Variants in CDKL1 observed in about 807,000 individuals in gnomAD.
The protein encoded by CDKL1 is cyclin dependent kinase like 1.
Under a neutral mutation model 42.0 loss-of-function variants are expected in CDKL1, and 41 were observed. The ratio of observed to expected loss-of-function variants is 0.98; its 90% CI spans 0.76 to 1.27. The LOEUF is 1.27. Ranked by LOEUF, CDKL1 falls within the 50% of genes most tolerant of loss-of-function variation. CDKL1 has a pLI of 0.00. For synonymous variants in CDKL1, 153 were observed against 158.6 expected, an observed-to-expected ratio of 0.96 and a Z score of 0.26; for missense variants, 394 against 428.4, an observed-to-expected ratio of 0.92 and a Z score of 0.71.
intron 2 of CDKL1, among the ~76,000 whole-genome samples, chr14:50,374,288 T>C (rs1177887581): frequency 1.3e-5 from 2 of 152,158 alleles, no homozygotes; most frequent in Non-Finnish European, 2.9e-5. Flanking sequence ...GTTGAGTAGG[T>C]GAAACACACA....
intron 2 of CDKL1, chr14:50,362,903 C>T: frequency 2.2e-6 from 1 of 444,660 alleles, no homozygotes; most frequent in Non-Finnish European, 4.8e-6. Context: ...GGGCACCATT[C>T]ACACTGTGGA....
chr14:50,343,909 T>C (rs2033639165), intron 4 of CDKL1, among the ~76,000 whole-genome samples: 1 of 152,222 alleles, frequency 6.6e-6, no homozygotes, highest in Non-Finnish European at 1.5e-5. Context: ...TGCTGTCTAC[T>C]CTCATACTTC....
intron 9 of CDKL1, 117 bp downstream of exon 9, chr14:50,332,145 C>A: frequency 6.2e-7 from 1 of 1,612,758 alleles, no homozygotes; most frequent in South Asian, 1.1e-5. Context: ...ATCCTATGAC[C>A]TGTCTCCTAG....
intron 2 of CDKL1, among the ~76,000 whole-genome samples, chr14:50,379,680 C>A (rs1034293165): frequency 1.3e-5 from 2 of 152,118 alleles, no homozygotes; most frequent in Admixed American, 1.3e-4. Flanking sequence ...TCATGTGTCA[C>A]CCGACTTGCA....
At chr14:50,367,418 C>A (rs1488597830) in intron 2 of CDKL1, among the ~76,000 whole-genome samples, 3 of 152,182 alleles carry the variant, frequency 2.0e-5, no homozygotes, top group Admixed American at 2.0e-4. Flanking sequence ...CAAAGGGACA[C>A]CTCTGATCCT....
At chr14:50,352,648 A>G (rs2033937186) in intron 3 of CDKL1, among the ~76,000 whole-genome samples, 1 of 152,222 alleles carries the variant, frequency 6.6e-6, no homozygotes, top group Non-Finnish European at 1.5e-5. Flanking sequence ...AGCGAAGAAT[A>G]GAGTTGAGGG....
intron 1 of CDKL1, chr14:50,396,604 G>A (rs2035414993): frequency 3.2e-6 from 1 of 314,680 alleles, no homozygotes; most frequent in Non-Finnish European, 4.6e-6. Flanking sequence ...CTAATTTCGG[G>A]TCTCATTTCC....
At chr14:50,383,118 C>T (rs1383532758) in intron 2 of CDKL1, among the ~76,000 whole-genome samples, 7 of 151,772 alleles carry the variant, frequency 4.6e-5, no homozygotes, top group African/African-American at 7.3e-5. Context: ...TTAGTAGAGA[C>T]GGGGTTTCAC....
upstream of CDKL1, chr14:50,396,911 A>T (rs990107396): frequency 7.0e-6 from 2 of 286,714 alleles, no homozygotes; most frequent in Non-Finnish European, 1.2e-5. Flanking sequence ...CGCGATCCCT[A>T]TGGGAACCGG....
intron 2 of CDKL1, among the ~76,000 whole-genome samples, chr14:50,392,174 G>A (rs930463142): frequency 2.6e-5 from 4 of 152,178 alleles, no homozygotes; most frequent in Non-Finnish European, 4.4e-5. Flanking sequence ...GGCCAGGAGC[G>A]GGGGCTCACG....
intron 3 of CDKL1, among the ~76,000 whole-genome samples, chr14:50,351,210 C>CAAG (rs557354477): frequency 8.0e-4 from 121 of 151,798 alleles, no homozygotes; most frequent in African/African-American, 2.9e-3. Flanking sequence ...AAGAGGAAGA[C>CAAG]AAATCCAGGA....
chr14:50,369,109 T>A (rs1251846999), intron 2 of CDKL1, among the ~76,000 whole-genome samples: 1 of 152,022 alleles, frequency 6.6e-6, no homozygotes. Context: ...TCAAGTTATC[T>A]GCCCACCTCG....
At chr14:50,335,674 C>A in intron 7 of CDKL1, 1 of 1,493,136 alleles carries the variant, frequency 6.7e-7, no homozygotes. Context: ...GCCAGCCAAG[C>A]TGAGCAAAAT....
rs2139345006 is a variant in CDKL1 at position 50,329,404 on chromosome 14, T to A, written c.*670A>T. 1 of 152,326 alleles carries A rather than the reference T, an allele frequency of 6.6e-6. No individual in the cohort carries two copies. Among genetic ancestry groups the A allele is most frequent in the African/African-American group, 2.4e-5 (1 of 41,566 alleles). 9.4% of individuals were successfully genotyped at this position (152,326 alleles called of 1,614,324 possible). A position where few individuals can be genotyped will look rare whatever the true frequency, so the allele number is the denominator to read the frequency against. ...GTAGACAGATTACAGTAAATCCACG[T>A]TGCCTGCAAAAGTGACTAAGGTGTA... On this transcript the variant is annotated 3_prime_UTR_variant, in exon 10 of 10. Transcript: ENST00000395834.
intron 3 of CDKL1, chr14:50,358,160 T>C (rs1442224769): frequency 7.6e-7 from 1 of 1,320,454 alleles, no homozygotes; most frequent in Admixed American, 2.2e-5. Flanking sequence ...GAGAGCTGTG[T>C]GGTAAGATCA....
At chr14:50,341,987 G>C (rs1203683001) in intron 5 of CDKL1, 145 bp downstream of exon 5, 20 of 643,644 alleles carry the variant, frequency 3.1e-5, no homozygotes, top group African/African-American at 5.5e-5. Context: ...CACATTTTCG[G>C]TAATTACAAA....
At chr14:50,376,521 G>A (rs2034735962) in intron 2 of CDKL1, 1 of 318,478 alleles carries the variant, frequency 3.1e-6, no homozygotes, top group Non-Finnish European at 6.6e-6. Context: ...TAAATATTAT[G>A]CAGGTATTAA....
At chr14:50,354,117 G>C (rs920655533) in intron 3 of CDKL1, among the ~76,000 whole-genome samples, 2 of 151,832 alleles carry the variant, frequency 1.3e-5, no homozygotes, top group Admixed American at 6.6e-5. Flanking sequence ...ACAATGCCCG[G>C]CTAATTTTTG....
intron 2 of CDKL1, among the ~76,000 whole-genome samples, chr14:50,391,800 AT>A (rs2035264529): frequency 6.6e-6 from 1 of 152,132 alleles, no homozygotes; most frequent in Non-Finnish European, 1.5e-5. Context: ...TCTCTACTGG[AT>A]TTATTTACAC....
Sources: gnomAD v4.1 joint callset for allele counts (sites outside exome capture counted in the v4.1 genomes callset) on GRCh38, gnomAD v4.1.1 for gene constraint, MANE v1.5 for transcripts, NCBI Gene and HGNC (gene_info 2026-07-23, HGNC 2026-07-21) for gene names.